Variants in COL25A1 observed in about 807,000 individuals in gnomAD.
COL25A1 encodes collagen type XXV alpha 1 chain, also known as collagen alpha-1(XXV) chain.
A neutral mutation model predicts 128.4 loss-of-function variants in COL25A1; 103 were observed. That is an observed-to-expected ratio of 0.80 (90% confidence interval 0.68 to 0.94). The LOEUF is 0.94. COL25A1 is among the 40% of genes least tolerant of loss of function. The pLI, the probability that COL25A1 is intolerant of heterozygous loss-of-function variation, is 0.00. For missense variants in COL25A1, 745 were observed against 840.0 expected, an observed-to-expected ratio of 0.89 and a Z score of 1.40; for synonymous variants, 279 against 277.2, an observed-to-expected ratio of 1.01 and a Z score of -0.06.
At chr4:109,216,413 C>T (rs1226003454) in intron 3 of COL25A1, among the ~76,000 whole-genome samples, 1 of 152,112 alleles carries the variant, frequency 6.6e-6, no homozygotes, top group Non-Finnish European at 1.5e-5. Flanking sequence ...AAGAGATATG[C>T]TCAAGTTCTA....
intron 3 of COL25A1, among the ~76,000 whole-genome samples, chr4:109,166,778 T>C (rs548671454): frequency 6.6e-6 from 1 of 152,324 alleles, no homozygotes; most frequent in African/African-American, 2.4e-5. Context: ...AATGCATTCA[T>C]TGAGTATGAA....
At chr4:109,280,445 G>A (rs1055736744) in intron 3 of COL25A1, among the ~76,000 whole-genome samples, 4 of 152,108 alleles carry the variant, frequency 2.6e-5, no homozygotes, top group African/African-American at 9.7e-5. Flanking sequence ...AATAAATTGA[G>A]AACATAGAAC....
rs192446678 is a variant in COL25A1 at position 109,138,347 on chromosome 4, T to C, written c.368-88168A>G. ...TTTTTCATCACTGCATAGTATTCCA[T>C]GGCGTATATGTGCCACATTTTCTTT... On this transcript the variant is annotated intron_variant, in intron 3 of 37. Coordinates refer to ENST00000399132, the MANE Select transcript of COL25A1 (RefSeq NM_198721.4). Among the ~76,000 whole-genome samples the C allele has an allele frequency of 5.9e-5, 9 of 152,350 alleles. No individual in the cohort carries two copies. The East Asian group carries it at 1.7e-3, about 29-fold the overall frequency.
At chr4:109,113,984 A>C (rs1410849011) in intron 3 of COL25A1, among the ~76,000 whole-genome samples, 1 of 152,124 alleles carries the variant, frequency 6.6e-6, no homozygotes, top group African/African-American at 2.4e-5. Flanking sequence ...TATATTAAGC[A>C]CCTAGCTGAA....
Position 109,245,798 on chromosome 4 carries a change from C to T in COL25A1, c.367+54785G>A, listed in dbSNP as rs142035323. On this transcript the variant is annotated intron_variant, in intron 3 of 37. Transcript: ENST00000399132. ...TAGGACAGAGCTTCAGTTAATACAA[C>T]TATACCCCAAAGGTAGCAGCAAAAA... Among the ~76,000 whole-genome samples, 436 of 152,230 alleles carry T rather than the reference C, an allele frequency of 2.9e-3. 2 individuals carry two copies. The highest frequency in any genetic ancestry group is 0.01 in the African/African-American group (417 of 41,544).
chr4:109,166,141 G>T (rs1773050938), intron 3 of COL25A1, among the ~76,000 whole-genome samples: 1 of 152,158 alleles, frequency 6.6e-6, no homozygotes. Flanking sequence ...AATGTAAGTT[G>T]TCTATGAGTG....
intron 32 of COL25A1, among the ~76,000 whole-genome samples, chr4:108,831,685 G>GGGGA (rs945212089): frequency 1.1e-4 from 9 of 85,000 alleles, no homozygotes; most frequent in African/African-American, 4.6e-4. Flanking sequence ...AGAGAGAGAG[G>GGGGA]GGGAGAGAGA....
In COL25A1 at chr4:108,859,743, A is replaced by C. The variant is rs754334557; in HGVS notation, c.1243-10T>G. On this transcript the variant is annotated splice_polypyrimidine_tract_variant and intron_variant, in intron 23 of 37. Transcript: ENST00000399132. ...TTTGACCAGGTGGACCCTATGACAA[A>C]ACCAATCAAGGGAAAATCATGGGTA... The C allele has an allele frequency of 1.2e-6, 2 of 1,612,176 alleles. No homozygotes were observed. The highest frequency in any genetic ancestry group is 4.5e-5 in the East Asian group (2 of 44,860).
At chr4:108,868,096 C>T (rs1404876881) in intron 20 of COL25A1, among the ~76,000 whole-genome samples, 1 of 152,030 alleles carries the variant, frequency 6.6e-6, no homozygotes, top group Non-Finnish European at 1.5e-5. Context: ...ATAGTAATAA[C>T]CTTTGATTTA....
chr4:109,197,936 C>T (rs1489958357), intron 3 of COL25A1, among the ~76,000 whole-genome samples: 1 of 152,118 alleles, frequency 6.6e-6, no homozygotes, highest in African/African-American at 2.4e-5. Flanking sequence ...TGCAACTTTA[C>T]TATGTTGTCA....
chr4:108,905,401 A>G (rs1253149731), intron 13 of COL25A1, among the ~76,000 whole-genome samples: 1 of 152,126 alleles, frequency 6.6e-6, no homozygotes, highest in Non-Finnish European at 1.5e-5. Flanking sequence ...GAATAGATAG[A>G]GTTTAAAAAC....
At chr4:109,199,383 G>T (rs1776373987) in intron 3 of COL25A1, among the ~76,000 whole-genome samples, 1 of 152,024 alleles carries the variant, frequency 6.6e-6, no homozygotes. Flanking sequence ...GGGCTCAAGG[G>T]ATCTGCCTGC....
intron 3 of COL25A1, among the ~76,000 whole-genome samples, chr4:109,270,356 A>G (rs1426672285): frequency 1.3e-5 from 2 of 152,240 alleles, no homozygotes; most frequent in Non-Finnish European, 2.9e-5. Context: ...TAAGCTGATA[A>G]GCAACTTCAG....
rs72885165 is a variant in COL25A1 at position 109,090,466 on chromosome 4, G to T, written c.368-40287C>A. On this transcript the variant is annotated intron_variant, in intron 3 of 37. Transcript: ENST00000399132. ...ATTGCATTTATCAAAAAGTCAAGAG[G>T]CTGTTAGGAAACTATGAAAGTGCTT... is the stretch of plus-strand genomic sequence containing the variant. Among the ~76,000 whole-genome samples the T allele has an allele frequency of 2.0e-3, 298 of 152,250 alleles. 3 individuals are homozygous for T. The highest frequency in any genetic ancestry group is 7.0e-3 in the African/African-American group (289 of 41,550).
At chr4:108,942,398 G>T (rs1311384178) in intron 8 of COL25A1, 4 of 767,164 alleles carry the variant, frequency 5.2e-6, no homozygotes, top group Non-Finnish European at 8.6e-6. Context: ...TGCCTCATCT[G>T]ACATACCATA....
rs557066648 is a variant in COL25A1, at chr4:108,989,846, T to A, written c.439-15287A>T. 2.7e-3 allele frequency among the ~76,000 whole-genome samples: 408 copies of A among 152,278 alleles called. 1 individual carries two copies. Among genetic ancestry groups the A allele is most frequent in the Non-Finnish European group, 4.9e-3 (335 of 68,024 alleles). On this transcript the variant is annotated intron_variant, in intron 6 of 37. Transcript: ENST00000399132. ...ATAAGTATATATTTAAAATGTGATA[T>A]CAGTTGAAATGTCTGAAGATGCTTA...
At chr4:109,166,373 TTC>T (rs1773075882) in intron 3 of COL25A1, among the ~76,000 whole-genome samples, 1 of 152,222 alleles carries the variant, frequency 6.6e-6, no homozygotes, top group Non-Finnish European at 1.5e-5. Flanking sequence ...CAATCTATTA[TTC>T]TGTCACTTTC....
chr4:109,240,453 T>C (rs749973101), intron 3 of COL25A1, among the ~76,000 whole-genome samples: 4 of 152,080 alleles, frequency 2.6e-5, no homozygotes, highest in Admixed American at 6.6e-5. Flanking sequence ...AACTGTAATG[T>C]GGCATCCTTA....
At chr4:109,272,037 G>A (rs1005636195) in intron 3 of COL25A1, among the ~76,000 whole-genome samples, 1 of 151,886 alleles carries the variant, frequency 6.6e-6, no homozygotes, top group African/African-American at 2.4e-5. Flanking sequence ...CTAGGAGTTC[G>A]AGACCAGCCT....
Sources: allele counts gnomAD v4.1 joint callset (sites outside exome capture counted in the v4.1 genomes callset), GRCh38; gene constraint gnomAD v4.1.1; transcripts MANE v1.5; gene names NCBI Gene and HGNC (gene_info 2026-07-23, HGNC 2026-07-21).